The following C2CD3 variants were observed in gnomAD, a reference collection of about 807,000 sequenced individuals.
The protein encoded by C2CD3 is C2 domain-containing protein 3.
A neutral mutation model predicts 234.0 loss-of-function variants in C2CD3; 148 were observed. The observed-to-expected ratio is 0.63, with a 90% CI of 0.55 to 0.72. The LOEUF is 0.72. C2CD3 is among the 30% of genes least tolerant of loss of function. The pLI, the probability that C2CD3 is intolerant of heterozygous loss-of-function variation, is 0.00. For missense variants in C2CD3, 2,577 were observed against 2,811.5 expected, an observed-to-expected ratio of 0.92 and a Z score of 1.89; for synonymous variants, 1,000 against 1,035.4, an observed-to-expected ratio of 0.97 and a Z score of 0.66.
At chr11:74,046,644 C>T (rs557276971) in intron 28 of C2CD3, among the ~76,000 whole-genome samples, 8 of 151,832 alleles carry the variant, frequency 5.3e-5, no homozygotes, top group African/African-American at 9.7e-5. Context: ...TACTCTTTTT[C>T]GTCTAGCTTC....
intron 3 of C2CD3, among the ~76,000 whole-genome samples, chr11:74,144,310 G>A (rs1416720997): frequency 1.3e-5 from 2 of 152,178 alleles, no homozygotes; most frequent in Non-Finnish European, 2.9e-5. Flanking sequence ...CCTGGATGCA[G>A]AAATGGCCTG....
chr11:74,115,535 A>T (rs1353294175), intron 9 of C2CD3, among the ~76,000 whole-genome samples: 3 of 151,254 alleles, frequency 2.0e-5, no homozygotes, highest in Non-Finnish European at 1.5e-5. Flanking sequence ...AAAATATGAA[A>T]ACGACCATAC....
chr11:74,133,000 T>C, intron 6 of C2CD3, 28 bp from the exon 7 acceptor site: 1 of 1,610,578 alleles, frequency 6.2e-7, no homozygotes, highest in Non-Finnish European at 8.5e-7. Flanking sequence ...ACTTTCTCAC[T>C]GAGTGGCTAA....
At chr11:74,127,981 G>A (rs1412589057) in intron 7 of C2CD3, among the ~76,000 whole-genome samples, 1 of 151,932 alleles carries the variant, frequency 6.6e-6, no homozygotes, top group Non-Finnish European at 1.5e-5. Flanking sequence ...TCCTGCCTCA[G>A]CCTCCTTAGT....
At chr11:74,142,939 TACC>T (rs1854904854) in intron 3 of C2CD3, among the ~76,000 whole-genome samples, 2 of 152,236 alleles carry the variant, frequency 1.3e-5, no homozygotes, top group South Asian at 4.1e-4. Flanking sequence ...CAAATTACTT[TACC>T]ACTTTAATGA....
At chr11:74,017,971 T>C (rs1171634734) in intron 32 of C2CD3, among the ~76,000 whole-genome samples, 1 of 152,186 alleles carries the variant, frequency 6.6e-6, no homozygotes, top group Non-Finnish European at 1.5e-5. Context: ...TCTGAGGGAC[T>C]TTCTCAGAGG....
chr11:74,117,051 TATATATATGAATATATATATATGA>T lies in C2CD3; in HGVS notation c.1520+1153_1520+1176del, dbSNP rs1565313202. Among the ~76,000 whole-genome samples the T allele has an allele frequency of 6.2e-4, 40 of 64,360 alleles. 4 individuals carry two copies. Among genetic ancestry groups the T allele is most frequent in the African/African-American group, 3.0e-3 (39 of 13,112 alleles). The allele number at this position is 64,360 out of a possible 152,430, so 42.2% of individuals were successfully genotyped here. A position where few individuals can be genotyped will look rare whatever the true frequency, so the allele number is the denominator to read the frequency against. On this transcript the variant is annotated intron_variant, in intron 9 of 32. Transcript: ENST00000334126. ...ATATGTATATATACGTGTGTGTGTA[TATATATATGAATATATATATATGA>T]ATATATATATGAATATATATATATG...
chr11:74,082,765 C>A (rs1446323765), intron 22 of C2CD3, among the ~76,000 whole-genome samples: 2 of 152,198 alleles, frequency 1.3e-5, no homozygotes, highest in East Asian at 1.9e-4. Context: ...AGAAGAACTA[C>A]AAACCACTGC....
intron 3 of C2CD3, among the ~76,000 whole-genome samples, chr11:74,146,502 A>G (rs1855195110): frequency 6.6e-6 from 1 of 152,202 alleles, no homozygotes; most frequent in South Asian, 2.1e-4. Flanking sequence ...TGACAAACAT[A>G]TCCAAGGAAA....
chr11:74,106,539 C>T (rs763609444), intron 12 of C2CD3, 46 bp from the exon 13 acceptor site: 1 of 1,577,894 alleles, frequency 6.3e-7, no homozygotes, highest in Non-Finnish European at 8.6e-7. Context: ...AAAGAGAAGC[C>T]ACAGGTGATC....
At chr11:74,135,269 CT>C (rs111811054) in intron 5 of C2CD3, among the ~76,000 whole-genome samples, 752 of 140,598 alleles carry the variant, frequency 5.3e-3, no homozygotes, top group Admixed American at 5.8e-3. Context: ...TTATTTAAAA[CT>C]TTTTTTTTTT....
Position 74,149,597 on chromosome 11 carries a change from C to CT in C2CD3, c.484-9770dup, listed in dbSNP as rs1159593570. On this transcript the variant is annotated intron_variant, in intron 3 of 32. Transcript: ENST00000334126. ...TTCAGACACAATAGGTGTTTTGTAACTTTTTTTTTTTTTTGAGAAATCTCT... is the reference window on the plus strand; with the variant it reads ...TTCAGACACAATAGGTGTTTTGTAACTTTTTTTTTTTTTTTGAGAAATCTCT... Among the ~76,000 whole-genome samples, 953 of 143,468 alleles carry CT rather than the reference C, an allele frequency of 6.6e-3. 4 individuals are homozygous for CT. Among genetic ancestry groups the CT allele is most frequent in the Non-Finnish European group, 9.4e-3 (612 of 65,404 alleles). 94.1% of individuals were successfully genotyped at this position (143,468 alleles called of 152,430 possible).
intron 3 of C2CD3, among the ~76,000 whole-genome samples, chr11:74,156,855 C>T (rs1856064837): frequency 6.6e-6 from 1 of 152,214 alleles, no homozygotes; most frequent in Non-Finnish European, 1.5e-5. Flanking sequence ...CCTGTAGTCC[C>T]AGCTACGCTG....
At chr11:74,161,354 C>A in intron 3 of C2CD3, 45 bp downstream of exon 3, 2 of 1,296,524 alleles carry the variant, frequency 1.5e-6, no homozygotes, top group South Asian at 2.9e-5. Flanking sequence ...TATTTCTGCC[C>A]AAAAAGTTTA....
chr11:74,025,108 T>C (rs1952235881), intron 32 of C2CD3, among the ~76,000 whole-genome samples: 1 of 152,136 alleles, frequency 6.6e-6, no homozygotes, highest in Admixed American at 6.6e-5. Context: ...TCCCATACTT[T>C]GTATCTAGTA....
rs1276459867 is a variant in C2CD3, at chr11:74,034,075, T to C, written c.6085A>G (p.Asn2029Asp). ...PSPPPLEETSNGGRMLHESLR... is the reference protein window; with the variant it reads ...PSPPPLEETSDGGRMLHESLR... ...GACTCATGGAGCATTCTTCCTCCAT[T>C]TGAAGTCTCTTCGAGAGGAGGGGGT... The change falls in exon 31 of 33, where the codon AAT (asparagine) becomes GAT (aspartate). Residue 2029 changes from asparagine to aspartate, a missense_variant. Physicochemically the swap from Asn to Asp is conservative, Grantham distance 23. Transcript: ENST00000334126. 3.3e-6 allele frequency: 5 copies of C among 1,536,164 alleles called. No individual in the cohort carries two copies.
chr11:74,126,576 C>T (rs1281963965), intron 7 of C2CD3, among the ~76,000 whole-genome samples: 1 of 152,136 alleles, frequency 6.6e-6, no homozygotes, highest in South Asian at 2.1e-4. Flanking sequence ...AACCCCATCT[C>T]TACTAAAGAT....
At chr11:74,071,977 A>G (rs1332544047) in intron 24 of C2CD3, among the ~76,000 whole-genome samples, 1 of 152,142 alleles carries the variant, frequency 6.6e-6, no homozygotes, top group African/African-American at 2.4e-5. Flanking sequence ...TGTAACATAT[A>G]CCATATCTTT....
rs199967776 is a variant in C2CD3, at chr11:74,074,490, C to A, written c.4714G>T (p.Asp1572Tyr). ...CTGTGGCTGCTGCAGTCCATGGAGT[C>A]CAGCTCATGAGTGGGCTCAAGGTGT... ...SSHLEPTHEL[D>Y]SMDCSSHSES... Residue 1572 changes from aspartate (D) to tyrosine (Y), a missense_variant, in exon 24 of 33, where the codon GAC becomes TAC. Asp to Tyr is a radical substitution (Grantham distance 160). Transcript: ENST00000334126. The A allele has an allele frequency of 6.2e-7, 1 of 1,614,160 alleles. No individual in the cohort carries two copies. The highest frequency in any genetic ancestry group is 2.2e-5 in the East Asian group (1 of 44,872).
Sources: gnomAD v4.1 joint callset for allele counts (sites outside exome capture counted in the v4.1 genomes callset) on GRCh38, gnomAD v4.1.1 for gene constraint, MANE v1.5 for transcripts, NCBI Gene and HGNC (gene_info 2026-07-23, HGNC 2026-07-21) for gene names.